PDE9A: variants seen among roughly 807,000 people sequenced by gnomAD.
PDE9A encodes phosphodiesterase 9A, also known as high affinity cGMP-specific 3',5'-cyclic phosphodiesterase 9A.
In PDE9A, 60 loss-of-function variants were observed where a neutral mutation model predicts 87.4. The observed-to-expected ratio is 0.69, with a 90% CI of 0.56 to 0.85. PDE9A has a LOEUF of 0.85. PDE9A is among the 40% of genes least tolerant of loss of function. The pLI, the probability that PDE9A is intolerant of heterozygous loss-of-function variation, is 0.00. For missense variants in PDE9A, 665 were observed against 779.0 expected (o/e 0.85, Z 1.74); for synonymous variants, 272 against 279.4 (o/e 0.97, Z 0.27).
At position 42,672,954 on chromosome 21, in the gene PDE9A, T is replaced by C. The variant is rs537720020; in HGVS notation, c.70-13238T>C. ...CTGACATGTTGAAGTTAAGGCCATG[T>C]GCCTTGGTGCTACTTGCTTGCGAAA... On this transcript the variant is annotated intron_variant, in intron 1 of 19. Coordinates refer to ENST00000291539, the MANE Select transcript of PDE9A (RefSeq NM_002606.3). 3.9e-5 allele frequency among the ~76,000 whole-genome samples: 6 copies of C among 152,334 alleles called. No individual in the cohort carries two copies. In the South Asian group the frequency reaches 1.0e-3, roughly 26 times the overall value.
At chr21:42,751,251 C>G in intron 9 of PDE9A, 54 bp downstream of exon 9, 2 of 1,293,604 alleles carry the variant, frequency 1.5e-6, no homozygotes, top group South Asian at 2.4e-5. Flanking sequence ...CAGCCCCACG[C>G]CCAGCCCTGT....
At chr21:42,733,779 C>A (rs186605680) in intron 7 of PDE9A, 1 of 252,740 alleles carries the variant, frequency 4.0e-6, no homozygotes. Context: ...GCACACTGAT[C>A]GGCACCCTGT....
intron 17 of PDE9A, 25 bp downstream of exon 17, chr21:42,769,180 C>G: frequency 6.2e-7 from 1 of 1,605,898 alleles, no homozygotes; most frequent in South Asian, 1.1e-5. Flanking sequence ...CCACATGTCA[C>G]ACTTGCTTAC....
chr21:42,708,715 C>G (rs2049042409), intron 4 of PDE9A, among the ~76,000 whole-genome samples: 1 of 152,128 alleles, frequency 6.6e-6, no homozygotes, highest in Admixed American at 6.5e-5. Context: ...CCACCATGCC[C>G]AGCTAATTTT....
intron 7 of PDE9A, chr21:42,734,597 G>C (rs2146758001): frequency 6.6e-6 from 1 of 152,398 alleles, no homozygotes; most frequent in East Asian, 1.9e-4. Context: ...TTGAGAGACA[G>C]AGTCTTGCTC....
chr21:42,765,681 G>A, intron 15 of PDE9A, 187 bp downstream of exon 15: 1 of 604,126 alleles, frequency 1.7e-6, no homozygotes, highest in Non-Finnish European at 3.0e-6. Flanking sequence ...CCCTCCTGAT[G>A]GGTCCTCCTT....
intron 8 of PDE9A, among the ~76,000 whole-genome samples, chr21:42,747,080 G>A (rs541754505): frequency 2.6e-3 from 394 of 152,324 alleles, no homozygotes; most frequent in South Asian, 4.3e-3. Context: ...ATCCCCAGCC[G>A]CGTCATGTGC....
intron 7 of PDE9A, among the ~76,000 whole-genome samples, chr21:42,735,778 T>C (rs1159186149): frequency 6.6e-6 from 1 of 152,186 alleles, no homozygotes; most frequent in Admixed American, 6.5e-5. Context: ...AGGACCTTTT[T>C]CTACATAAGG....
In PDE9A at chr21:42,726,624, A is replaced by ATATATATATATTTTT; in HGVS notation, c.263-5145_263-5144insATATATATATTTTTT. On this transcript the variant is annotated intron_variant, in intron 4 of 19. Transcript: ENST00000291539. Reference sequence around the variant, plus strand: ...TATATATATATATATATATATATATATTTTTTTTTTTTTTTTTGTAGAGAT... The same window carrying ATATATATATATTTTT: ...TATATATATATATATATATATATATATATATATATATTTTTTTTTTTTTTTTTTTTTTGTAGAGAT... 3.4e-3 allele frequency among the ~76,000 whole-genome samples: 67 copies of ATATATATATATTTTT among 19,764 alleles called. 1 individual carries two copies. Among genetic ancestry groups the ATATATATATATTTTT allele is most frequent in the South Asian group, 4.1e-3 (1 of 246 alleles). 13.0% of individuals were successfully genotyped at this position (19,764 alleles called of 152,430 possible).
chr21:42,751,223 A>C, intron 9 of PDE9A, 26 bp downstream of exon 9: 1 of 1,532,604 alleles, frequency 6.5e-7, no homozygotes, highest in East Asian at 2.3e-5. Context: ...GGCCCAGAAG[A>C]AGCTGCAGCT....
chr21:42,719,645 A>T (rs11203212), intron 4 of PDE9A, among the ~76,000 whole-genome samples: 1,674 of 46,364 alleles, frequency 0.036, 29 homozygotes, highest in African/African-American at 0.2. Context: ...GTCTCAAAAA[A>T]AAAAAAAAAA....
intron 1 of PDE9A, among the ~76,000 whole-genome samples, chr21:42,678,155 G>A (rs562647268): frequency 1.1e-4 from 16 of 152,336 alleles, no homozygotes; most frequent in Admixed American, 3.9e-4. Context: ...TTCCGGGTGT[G>A]GAATCAACGG....
intron 18 of PDE9A, among the ~76,000 whole-genome samples, chr21:42,771,283 G>T (rs2057003924): frequency 1.3e-5 from 2 of 152,226 alleles, no homozygotes; most frequent in Non-Finnish European, 2.9e-5. Flanking sequence ...CCTCTCAGGG[G>T]CCAGGGAGCC....
intron 7 of PDE9A, among the ~76,000 whole-genome samples, chr21:42,740,766 T>C (rs1407668367): frequency 1.0e-3 from 149 of 149,300 alleles, no homozygotes; most frequent in Middle Eastern, 3.5e-3. Context: ...GATAGATAGA[T>C]AGATAGATAG....
At chr21:42,669,264 C>A (rs1240887049) in intron 1 of PDE9A, among the ~76,000 whole-genome samples, 1 of 152,128 alleles carries the variant, frequency 6.6e-6, no homozygotes, top group Admixed American at 6.5e-5. Context: ...CGGAGATTCC[C>A]TTCCTTGCCT....
At position 42,759,645 on chromosome 21, in the gene PDE9A, G is replaced by A. The variant is rs2055467898; in HGVS notation, c.897+560G>A. 1.3e-5 allele frequency among the ~76,000 whole-genome samples: 2 copies of A among 151,162 alleles called. No homozygotes were observed. Among genetic ancestry groups the A allele is most frequent in the South Asian group, 2.1e-4 (1 of 4,758 alleles). On this transcript the variant is annotated intron_variant, in intron 11 of 19. Transcript: ENST00000291539. The surrounding 1 kb of genome is among the most constrained non-coding windows in gnomAD (Gnocchi z 7.2). The stretch of plus-strand genomic sequence containing the variant: ...GGGGTGGGAGTAGGAGTGTGGAGGT[G>A]TGTCTGTGTGTGTCAGTGTGGATGT...
intron 8 of PDE9A, 139 bp downstream of exon 8, chr21:42,743,999 C>G (rs2053587587): frequency 1.6e-6 from 1 of 617,370 alleles, no homozygotes; most frequent in Non-Finnish European, 2.9e-6. Flanking sequence ...AGAGTGCAGT[C>G]TGGAGGCAGC....
At chr21:42,733,590 C>G (rs2052068538) in intron 7 of PDE9A, 164 bp downstream of exon 7, 2 of 607,046 alleles carry the variant, frequency 3.3e-6, no homozygotes, top group South Asian at 4.1e-5. Flanking sequence ...AAGGCTAGCA[C>G]AGTGACTAAC....
chr21:42,753,938 A>G (rs1049199681), intron 9 of PDE9A, 52 bp from the exon 10 acceptor site: 18 of 899,422 alleles, frequency 2.0e-5, no homozygotes, highest in Non-Finnish European at 2.9e-5. Context: ...CATGCACATC[A>G]CTGTCACAGG....
Sources: gnomAD v4.1 joint callset for allele counts (sites outside exome capture counted in the v4.1 genomes callset) on GRCh38, gnomAD v4.1.1 for gene constraint, Gnocchi (gnomAD v3.1) non-coding constraint, MANE v1.5 for transcripts, NCBI Gene and HGNC (gene_info 2026-07-23, HGNC 2026-07-21) for gene names.